The following LPGAT1 variants were observed in gnomAD, a reference collection of about 807,000 sequenced individuals.
LPGAT1 encodes the protein lysophosphatidylglycerol acyltransferase 1.
In LPGAT1, 11 loss-of-function variants were observed where a neutral mutation model predicts 47.5. The observed-to-expected ratio is 0.23, with a 90% CI of 0.15 to 0.38. The LOEUF (loss-of-function observed/expected upper bound fraction) is 0.38, where lower values mean the gene tolerates loss of function less well. Ranked by LOEUF, LPGAT1 falls within the 10% of genes least tolerant of loss-of-function variation. LPGAT1 has a pLI of 1.00. For synonymous variants in LPGAT1, 138 were observed against 144.2 expected (o/e 0.96, Z 0.31); for missense variants, 293 against 439.0 (o/e 0.67, Z 2.97).
intron 6 of LPGAT1, 87 bp from the exon 7 acceptor site, chr1:211,751,154 A>C: frequency 1.2e-6 from 1 of 854,486 alleles, no homozygotes; most frequent in Non-Finnish European, 1.8e-6. Flanking sequence ...GAAAAGCTGA[A>C]TAAAATTGTG....
chr1:211,785,389 C>T (rs2102542750), intron 4 of LPGAT1, among the ~76,000 whole-genome samples: 1 of 152,190 alleles, frequency 6.6e-6, no homozygotes, highest in East Asian at 1.9e-4. Context: ...AACATTAATG[C>T]TTTTTCCCTT....
chr1:211,754,875 C>A (rs1263033178), intron 6 of LPGAT1, among the ~76,000 whole-genome samples: 1 of 150,862 alleles, frequency 6.6e-6, no homozygotes. Flanking sequence ...ATTAGCCAGG[C>A]GTGGTGGCAG....
chr1:211,779,004 C>T lies in LPGAT1; in HGVS notation c.768G>A (p.Thr256=), dbSNP rs777294096. 7 of 1,607,384 alleles carry T rather than the reference C, an allele frequency of 4.4e-6. No individual in the cohort carries two copies. Among genetic ancestry groups the T allele is most frequent in the South Asian group, 2.2e-5 (2 of 89,408 alleles). Residue 256 remains threonine (T), a synonymous_variant, in exon 6 of 8, where the codon ACG becomes ACA. Coordinates refer to ENST00000366997, the MANE Select transcript of LPGAT1 (RefSeq NM_014873.3). The part of the protein sequence containing the change: ...SKGLQWIIDT[T]IAYPKAEPID... Reference sequence around the variant, plus strand: ...TAGGTTCAGCTTTGGGATAAGCTATCGTTGTATCTATTATCCACTGGAGGC... The same window carrying T: ...TAGGTTCAGCTTTGGGATAAGCTATTGTTGTATCTATTATCCACTGGAGGC...
At chr1:211,767,880 T>C (rs1392681726) in intron 6 of LPGAT1, among the ~76,000 whole-genome samples, 4 of 152,170 alleles carry the variant, frequency 2.6e-5, no homozygotes, top group South Asian at 2.1e-4. Context: ...GTGAGTAATT[T>C]TGGGGCTGGG....
chr1:211,759,206 G>A (rs886484135), intron 6 of LPGAT1, among the ~76,000 whole-genome samples: 7 of 152,144 alleles, frequency 4.6e-5, no homozygotes, highest in African/African-American at 1.7e-4. Flanking sequence ...ACAAGCTTAG[G>A]AAGTATCCTT....
chr1:211,768,066 A>G (rs17018046), intron 6 of LPGAT1, among the ~76,000 whole-genome samples: 2,958 of 152,280 alleles, frequency 0.019, 91 homozygotes, highest in African/African-American at 0.067. Flanking sequence ...ATGTCAAAAA[A>G]GAATTATGTA....
At chr1:211,758,839 C>G (rs1049639379) in intron 6 of LPGAT1, among the ~76,000 whole-genome samples, 5 of 152,104 alleles carry the variant, frequency 3.3e-5, no homozygotes, top group Admixed American at 2.0e-4. Flanking sequence ...TTATAGATAC[C>G]ATTAATCAGA....
In LPGAT1 at chr1:211,748,892, T is replaced by G. The variant is rs913838233; in HGVS notation, c.*1007A>C. 3 of 152,436 alleles carry G rather than the reference T, an allele frequency of 2.0e-5. No homozygotes were observed. Among genetic ancestry groups the G allele is most frequent in the Admixed American group, 2.0e-4 (3 of 15,276 alleles). 9.4% of individuals were successfully genotyped at this position (152,436 alleles called of 1,614,324 possible). The stretch of plus-strand genomic sequence containing the variant: ...TCTTATTTTTCTATAAACTAGCCTA[T>G]TTCCCCTTAAACTGATCATTTAAAT... On this transcript the variant is annotated 3_prime_UTR_variant, in exon 8 of 8. Coordinates refer to ENST00000366997, the MANE Select transcript of LPGAT1 (RefSeq NM_014873.3).
At chr1:211,801,801 A>G (rs752295848) in intron 2 of LPGAT1, among the ~76,000 whole-genome samples, 2 of 150,712 alleles carry the variant, frequency 1.3e-5, no homozygotes, top group South Asian at 2.1e-4. Context: ...AAGAAAAGAA[A>G]TGGCACGGTG....
rs755311112 is a variant in LPGAT1, at chr1:211,778,940, T to C, written c.832A>G (p.Thr278Ala). Residue 278 changes from threonine (T) to alanine (A), a missense_variant, in exon 6 of 8, where the codon ACA becomes GCA. Physicochemically the swap from Thr to Ala is moderately conservative, Grantham distance 58. Transcript: ENST00000366997. ...QTWILGYRKP[T>A]VTHVHYRIFP... ...TACCTGTAATGTACATGTGTGACTG[T>C]TGGTTTCCTGTATCCAAGGATCCAG... 3.7e-6 allele frequency: 6 copies of C among 1,605,850 alleles called. No individual in the cohort carries two copies. In the East Asian group the frequency reaches 6.7e-5, roughly 18 times the overall value.
At chr1:211,791,761 A>AAAC (rs1659123260) in intron 3 of LPGAT1, among the ~76,000 whole-genome samples, 3 of 128,060 alleles carry the variant, frequency 2.3e-5, no homozygotes, top group Non-Finnish European at 3.4e-5. Context: ...AAAAAAAAAA[A>AAAC]AAAACAAACA....
rs756597135 is a variant in LPGAT1 at position 211,778,904 on chromosome 1, T to C, written c.854+14A>G. On this transcript the variant is annotated intron_variant, in intron 6 of 7. Transcript: ENST00000366997. Reference sequence around the variant, plus strand: ...TTGTTGGATATATACTGAGTACTAATATAGAATTCTTACCTGTAATGTACA... The same window carrying C: ...TTGTTGGATATATACTGAGTACTAACATAGAATTCTTACCTGTAATGTACA... 1.3e-5 allele frequency: 21 copies of C among 1,572,136 alleles called. No individual in the cohort carries two copies. Among genetic ancestry groups the C allele is most frequent in the Admixed American group, 4.0e-5 (2 of 49,792 alleles).
At chr1:211,756,230 C>T (rs1177685385) in intron 6 of LPGAT1, among the ~76,000 whole-genome samples, 1 of 151,988 alleles carries the variant, frequency 6.6e-6, no homozygotes, top group African/African-American at 2.4e-5. Flanking sequence ...AGGGAGACTC[C>T]GTCTCAAAAA....
intron 6 of LPGAT1, among the ~76,000 whole-genome samples, chr1:211,756,462 G>C (rs1183580714): frequency 2.0e-5 from 3 of 152,138 alleles, no homozygotes; most frequent in Non-Finnish European, 4.4e-5. Flanking sequence ...TGAGTAGCTG[G>C]GACCACAGGT....
At chr1:211,776,197 G>A (rs1280845263) in intron 6 of LPGAT1, among the ~76,000 whole-genome samples, 2 of 152,078 alleles carry the variant, frequency 1.3e-5, no homozygotes, top group Non-Finnish European at 2.9e-5. Context: ...TAAAAGCTGA[G>A]CAGGATGGAT....
Position 211,789,979 on chromosome 1 carries a change from A to G in LPGAT1, c.358-2252T>C, listed in dbSNP as rs551915202. On this transcript the variant is annotated intron_variant, in intron 3 of 7. Coordinates refer to ENST00000366997, the MANE Select transcript of LPGAT1 (RefSeq NM_014873.3). ...TAAGCTGCCTAAATCAACTCTGTCA[A>G]TGTTTGATAGGTCTGTCCCTCAGAA... is the stretch of plus-strand genomic sequence containing the variant. Among the ~76,000 whole-genome samples the G allele has an allele frequency of 9.2e-5, 14 of 152,296 alleles. No individual in the cohort carries two copies. In the South Asian group the frequency reaches 2.1e-3, roughly 23 times the overall value.
intron 2 of LPGAT1, among the ~76,000 whole-genome samples, chr1:211,800,116 C>T (rs1246183781): frequency 6.6e-6 from 1 of 151,916 alleles, no homozygotes; most frequent in African/African-American, 2.4e-5. Flanking sequence ...CTCACTGCAA[C>T]CTCCACCTCC....
chr1:211,780,454 C>T (rs1360378815), intron 5 of LPGAT1, among the ~76,000 whole-genome samples: 2 of 152,024 alleles, frequency 1.3e-5, no homozygotes, highest in African/African-American at 4.8e-5. Flanking sequence ...GTATAATGGT[C>T]CATTCTTTAT....
chr1:211,797,307 TTTTC>T (rs1426887038), intron 2 of LPGAT1, among the ~76,000 whole-genome samples: 3 of 118,992 alleles, frequency 2.5e-5, no homozygotes, highest in East Asian at 2.0e-4. Flanking sequence ...TTTTCTTTCC[TTTTC>T]TTTTTTTTTT....
Sources: gnomAD v4.1 joint callset for allele counts (sites outside exome capture counted in the v4.1 genomes callset) on GRCh38, gnomAD v4.1.1 for gene constraint, MANE v1.5 for transcripts, NCBI Gene and HGNC (gene_info 2026-07-23, HGNC 2026-07-21) for gene names.